The following ZNF804A variants were observed in gnomAD, a reference collection of about 807,000 sequenced individuals.
ZNF804A encodes the protein zinc finger protein 804A.
Under a neutral mutation model 16.5 loss-of-function variants are expected in ZNF804A, and 2 were observed. The observed-to-expected ratio is 0.12, with a 90% CI of 0.05 to 0.38. The LOEUF is 0.38. Ranked by LOEUF, ZNF804A falls within the 10% of genes least tolerant of loss-of-function variation. ZNF804A has a pLI of 0.99. For missense variants in ZNF804A, 1,473 were observed against 1,390.7 expected (o/e 1.06, Z -0.94); for synonymous variants, 534 against 489.6 (o/e 1.09, Z -1.20).
chr2:184,709,019 A>G (rs2105735588), intron 1 of ZNF804A, among the ~76,000 whole-genome samples: 1 of 152,250 alleles, frequency 6.6e-6, no homozygotes, highest in Non-Finnish European at 1.5e-5. Flanking sequence ...ATCTCCCCAG[A>G]TGAAACCTTC....
intron 1 of ZNF804A, among the ~76,000 whole-genome samples, chr2:184,838,300 G>C (rs1247131190): frequency 6.6e-6 from 1 of 152,050 alleles, no homozygotes; most frequent in African/African-American, 2.4e-5. Flanking sequence ...AATCTAGATA[G>C]ATTCTGCCAC....
intron 1 of ZNF804A, among the ~76,000 whole-genome samples, chr2:184,709,717 A>T (rs1011005443): frequency 1.3e-5 from 2 of 151,272 alleles, no homozygotes; most frequent in Non-Finnish European, 3.0e-5. Flanking sequence ...TGATTTTTGC[A>T]TATACTTTTT....
chr2:184,682,099 G>C (rs541778064), intron 1 of ZNF804A, among the ~76,000 whole-genome samples: 3 of 152,176 alleles, frequency 2.0e-5, no homozygotes, highest in Non-Finnish European at 2.9e-5. Flanking sequence ...CTGAGTCTTC[G>C]CATGGGCCTG....
rs34877709 is a variant in ZNF804A at position 184,731,564 on chromosome 2, C to CTTT, written c.111+132515_111+132517dup. The stretch of plus-strand genomic sequence containing the variant: ...GAGATGTCTGTTAAGGTCTTTAACG[C>CTTT]TTTTTTTTTTTTTTTTTTTTTTTGA... On this transcript the variant is annotated intron_variant, in intron 1 of 3. Coordinates refer to ENST00000302277, the MANE Select transcript of ZNF804A (RefSeq NM_194250.2). 2.3e-3 allele frequency among the ~76,000 whole-genome samples: 195 copies of CTTT among 84,656 alleles called. 1 individual carries two copies. Among genetic ancestry groups the CTTT allele is most frequent in the East Asian group, 3.0e-3 (9 of 2,970 alleles). 55.5% of individuals were successfully genotyped at this position (84,656 alleles called of 152,430 possible). A position where few individuals can be genotyped will look rare whatever the true frequency, so the allele number is the denominator to read the frequency against.
chr2:184,899,966 A>G (rs1380246983), intron 2 of ZNF804A, among the ~76,000 whole-genome samples: 1 of 152,102 alleles, frequency 6.6e-6, no homozygotes, highest in Non-Finnish European at 1.5e-5. Context: ...AGTTCAACCC[A>G]TCTTCAAATA....
At chr2:184,748,746 T>C (rs992269921) in intron 1 of ZNF804A, among the ~76,000 whole-genome samples, 1 of 151,618 alleles carries the variant, frequency 6.6e-6, no homozygotes, top group Admixed American at 6.6e-5. Flanking sequence ...TTTTATCAAT[T>C]TGAGTTAATT....
At position 184,716,497 on chromosome 2, in the gene ZNF804A, T is replaced by C. The variant is rs2127696; in HGVS notation, c.111+117427T>C. ...TATAAAAATTTTGCAATATAGTAAG[T>C]GTTACAGTAATTTATCTTTAAGTAA... On this transcript the variant is annotated intron_variant, in intron 1 of 3. Transcript: ENST00000302277. 4.5e-4 allele frequency among the ~76,000 whole-genome samples: 68 copies of C among 152,254 alleles called. No individual in the cohort carries two copies. The Middle Eastern group carries it at 0.014, about 30-fold the overall frequency.
intron 2 of ZNF804A, among the ~76,000 whole-genome samples, chr2:184,878,290 C>G (rs962073045): frequency 2.0e-5 from 3 of 152,062 alleles, no homozygotes; most frequent in African/African-American, 7.2e-5. Flanking sequence ...GAGGGCACAA[C>G]TAGACTCAGA....
chr2:184,935,160 A>G (rs1398709606), intron 3 of ZNF804A, among the ~76,000 whole-genome samples: 1 of 152,150 alleles, frequency 6.6e-6, no homozygotes, highest in African/African-American at 2.4e-5. Context: ...TCTTGCATTT[A>G]CTGCATGTTA....
intron 1 of ZNF804A, among the ~76,000 whole-genome samples, chr2:184,601,763 G>C (rs1488718922): frequency 6.6e-6 from 1 of 151,452 alleles, no homozygotes; most frequent in African/African-American, 2.4e-5. Context: ...TCTTACTTCG[G>C]GGAAGTGCAA....
At chr2:184,743,286 T>A (rs754304725) in intron 1 of ZNF804A, among the ~76,000 whole-genome samples, 1 of 151,986 alleles carries the variant, frequency 6.6e-6, no homozygotes, top group Non-Finnish European at 1.5e-5. Flanking sequence ...TAACATCCAA[T>A]GAATCAGCAA....
At chr2:184,798,126 T>C (rs895534204) in intron 1 of ZNF804A, among the ~76,000 whole-genome samples, 2 of 151,650 alleles carry the variant, frequency 1.3e-5, no homozygotes, top group Non-Finnish European at 2.9e-5. Flanking sequence ...TGATAGTCTT[T>C]CCTTTATAGG....
chr2:184,815,169 G>A (rs2105788470), intron 1 of ZNF804A, among the ~76,000 whole-genome samples: 1 of 152,060 alleles, frequency 6.6e-6, no homozygotes, highest in East Asian at 1.9e-4. Flanking sequence ...GTTAGTGTAA[G>A]AAGTTCAGAA....
Position 184,865,250 on chromosome 2 carries a change from G to T in ZNF804A, c.112-1119G>T, listed in dbSNP as rs571221127. Among the ~76,000 whole-genome samples the T allele has an allele frequency of 9.2e-5, 14 of 151,874 alleles. 1 individual carries two copies. The highest frequency in any genetic ancestry group is 8.5e-4 in the Admixed American group (13 of 15,250). On this transcript the variant is annotated intron_variant, in intron 1 of 3. Coordinates refer to ENST00000302277, the MANE Select transcript of ZNF804A (RefSeq NM_194250.2). ...AGTTAGAAACATATTTTACAGTGAG[G>T]TCTGAAGTTTAGGTCTTCTTCACAT...
intron 1 of ZNF804A, among the ~76,000 whole-genome samples, chr2:184,679,379 A>G (rs1692496438): frequency 6.6e-6 from 1 of 152,190 alleles, no homozygotes; most frequent in Admixed American, 6.5e-5. Flanking sequence ...GGGAGGCATG[A>G]CCAGGGATGC....
At chr2:184,807,454 A>G (rs1694824902) in intron 1 of ZNF804A, among the ~76,000 whole-genome samples, 1 of 151,822 alleles carries the variant, frequency 6.6e-6, no homozygotes, top group African/African-American at 2.4e-5. Context: ...AAGATTTTCT[A>G]TAAAAATACA....
At chr2:184,855,380 A>G (rs1193609091) in intron 1 of ZNF804A, among the ~76,000 whole-genome samples, 1 of 152,024 alleles carries the variant, frequency 6.6e-6, no homozygotes, top group Non-Finnish European at 1.5e-5. Flanking sequence ...GCTTGCGCTT[A>G]CTGCTGGAAA....
intron 1 of ZNF804A, among the ~76,000 whole-genome samples, chr2:184,819,578 G>A (rs1695037875): frequency 6.6e-6 from 1 of 151,490 alleles, no homozygotes; most frequent in Non-Finnish European, 1.5e-5. Context: ...TCAGAGTGAA[G>A]CTGGAGGAGA....
At chr2:184,621,714 T>C (rs1347150867) in intron 1 of ZNF804A, among the ~76,000 whole-genome samples, 1 of 151,818 alleles carries the variant, frequency 6.6e-6, no homozygotes, top group African/African-American at 2.4e-5. Context: ...TGGCAGCAAG[T>C]AGAAATATTT....
Sources: allele counts gnomAD v4.1 joint callset (sites outside exome capture counted in the v4.1 genomes callset), GRCh38; gene constraint gnomAD v4.1.1; transcripts MANE v1.5; gene names NCBI Gene and HGNC (gene_info 2026-07-23, HGNC 2026-07-21).